NALCN: variants seen among roughly 807,000 people sequenced by gnomAD.
NALCN encodes sodium leak channel NALCN.
A neutral mutation model predicts 225.3 loss-of-function variants in NALCN; 111 were observed. That is an observed-to-expected ratio of 0.49 (90% CI 0.42 to 0.58). The LOEUF (loss-of-function observed/expected upper bound fraction) is 0.58, where lower values mean the gene tolerates loss of function less well. NALCN is among the 20% of genes least tolerant of loss of function. NALCN has a pLI of 0.00. For synonymous variants in NALCN, 764 were observed against 769.0 expected, an observed-to-expected ratio of 0.99 and a Z score of 0.11; for missense variants, 1,378 against 2,202.4, an observed-to-expected ratio of 0.63 and a Z score of 7.49.
At chr13:101,245,980 G>A (rs543035132) in intron 11 of NALCN, among the ~76,000 whole-genome samples, 17 of 152,244 alleles carry the variant, frequency 1.1e-4, no homozygotes, top group East Asian at 1.9e-4. Flanking sequence ...AAACCTCTAG[G>A]GGGTATTTGG....
chr13:101,121,220 G>A (rs1030432659), intron 18 of NALCN, among the ~76,000 whole-genome samples: 15 of 151,928 alleles, frequency 9.9e-5, no homozygotes, highest in African/African-American at 2.2e-4. Flanking sequence ...CCTGAAGATC[G>A]CCTCCTCCTA....
chr13:101,302,087 G>A (rs117981806), intron 7 of NALCN, among the ~76,000 whole-genome samples: 6 of 152,230 alleles, frequency 3.9e-5, no homozygotes, highest in East Asian at 1.9e-4. Context: ...CTAGAAGTTC[G>A]CATAATGTTA....
intron 7 of NALCN, among the ~76,000 whole-genome samples, chr13:101,304,758 C>CTTTTTT (rs769247590): frequency 4.1e-5 from 5 of 122,808 alleles, no homozygotes; most frequent in African/African-American, 9.5e-5. Context: ...TTTTTCTTTT[C>CTTTTTT]TTTTTTTTTT....
chr13:101,247,827 C>T (rs1320094161), intron 11 of NALCN, among the ~76,000 whole-genome samples: 1 of 152,072 alleles, frequency 6.6e-6, no homozygotes, highest in African/African-American at 2.4e-5. Context: ...TGATAGGCCC[C>T]AGTGTGTGTT....
chr13:101,062,165 AT>A, intron 40 of NALCN, 47 bp from the exon 41 acceptor site: 2 of 1,603,164 alleles, frequency 1.2e-6, no homozygotes, highest in Non-Finnish European at 1.7e-6. Context: ...TTCACCTGAG[AT>A]TTACACCCTT....
intron 10 of NALCN, among the ~76,000 whole-genome samples, chr13:101,259,730 G>GTC (rs1459768786): frequency 6.6e-5 from 2 of 30,384 alleles, no homozygotes; most frequent in African/African-American, 9.3e-5. Context: ...TACATAGTAA[G>GTC]TGTATATATA....
chr13:101,396,857 A>G (rs2047307798), intron 2 of NALCN, among the ~76,000 whole-genome samples: 1 of 151,722 alleles, frequency 6.6e-6, no homozygotes, highest in African/African-American at 2.4e-5. Context: ...CTTTTATACT[A>G]CCTTCTTCAT....
intron 6 of NALCN, among the ~76,000 whole-genome samples, chr13:101,347,752 G>C (rs73566951): frequency 0.048 from 7,336 of 152,224 alleles, 221 homozygotes; most frequent in Admixed American, 0.082. Flanking sequence ...CTGTAAGGTA[G>C]AGAGAGTAAT....
At chr13:101,392,773 G>C (rs1346937274) in intron 3 of NALCN, among the ~76,000 whole-genome samples, 1 of 152,076 alleles carries the variant, frequency 6.6e-6, no homozygotes, top group African/African-American at 2.4e-5. Flanking sequence ...AAAAGAATTA[G>C]CAGGAAAACT....
At chr13:101,389,805 G>A (rs538141504) in intron 3 of NALCN, among the ~76,000 whole-genome samples, 3 of 152,350 alleles carry the variant, frequency 2.0e-5, no homozygotes, top group East Asian at 1.9e-4. Flanking sequence ...ACATAGGCCG[G>A]GCATGGTGGC....
intron 6 of NALCN, among the ~76,000 whole-genome samples, chr13:101,358,517 A>G (rs1446640353): frequency 6.6e-6 from 1 of 152,234 alleles, no homozygotes; most frequent in African/African-American, 2.4e-5. Context: ...ACCAGTCAGA[A>G]CGGCGATTAT....
intron 14 of NALCN, among the ~76,000 whole-genome samples, chr13:101,179,425 G>T (rs1338401946): frequency 6.6e-6 from 1 of 152,048 alleles, no homozygotes; most frequent in Non-Finnish European, 1.5e-5. Context: ...AAATTTCTTG[G>T]TTTTTCTACA....
intron 7 of NALCN, among the ~76,000 whole-genome samples, chr13:101,301,653 A>G: frequency 6.6e-6 from 1 of 150,710 alleles, no homozygotes; most frequent in East Asian, 2.0e-4. Context: ...CCTGGGAGGC[A>G]GAGGGTGCAG....
At chr13:101,372,510 C>G (rs932095674) in intron 6 of NALCN, among the ~76,000 whole-genome samples, 4 of 151,972 alleles carry the variant, frequency 2.6e-5, no homozygotes, top group Non-Finnish European at 5.9e-5. Flanking sequence ...ATTGTCTGAC[C>G]ACAACAGAAT....
At chr13:101,100,326 A>G (rs899486012) in intron 27 of NALCN, among the ~76,000 whole-genome samples, 5 of 152,206 alleles carry the variant, frequency 3.3e-5, no homozygotes, top group Non-Finnish European at 1.5e-5. Context: ...ACAGCTGTAA[A>G]CAGCTGGAAT....
intron 15 of NALCN, among the ~76,000 whole-genome samples, chr13:101,147,840 T>A (rs759393093): frequency 1.4e-4 from 21 of 152,104 alleles, no homozygotes; most frequent in Non-Finnish European, 2.5e-4. Flanking sequence ...ACCCTCTGCC[T>A]CAGAACCTCT....
At chr13:101,224,738 A>G (rs187018198) in intron 13 of NALCN, among the ~76,000 whole-genome samples, 31 of 152,222 alleles carry the variant, frequency 2.0e-4, no homozygotes, top group African/African-American at 6.7e-4. Flanking sequence ...GGGCCAACAA[A>G]ATATTTCAAA....
intron 15 of NALCN, among the ~76,000 whole-genome samples, chr13:101,167,330 T>A (rs1435268799): frequency 1.3e-5 from 2 of 152,242 alleles, no homozygotes; most frequent in Non-Finnish European, 2.9e-5. Flanking sequence ...ATATTAAGCC[T>A]TCCAGTTCTT....
In NALCN at chr13:101,089,854, C is replaced by A; in HGVS notation, c.3382G>T (p.Val1128Leu). ...TCGATGTGCTCGCTTACCGGCCCCACACGATGAATAATAACATCTCTCACT... is the reference window on the plus strand; with the variant it reads ...TCGATGTGCTCGCTTACCGGCCCCAAACGATGAATAATAACATCTCTCACT... ...VEVRDVIIHRVGPIHGIYIHV... is the reference protein window; with the variant it reads ...VEVRDVIIHRLGPIHGIYIHV... Residue 1128 changes from valine (V) to leucine (L), a missense_variant, in exon 29 of 44, where the codon GTG becomes TTG. Physicochemically the swap from Val to Leu is conservative, Grantham distance 32. Coordinates refer to ENST00000251127, the MANE Select transcript of NALCN (RefSeq NM_052867.4). This position sits in a 1 kb window ranked among gnomAD's most constrained non-coding sequence, Gnocchi z 4.7. 1 of 1,614,098 alleles carries A rather than the reference C, an allele frequency of 6.2e-7. No individual in the cohort carries two copies. The highest frequency in any genetic ancestry group is 8.5e-7 in the Non-Finnish European group (1 of 1,179,936).
Sources: gnomAD v4.1 joint callset for allele counts (sites outside exome capture counted in the v4.1 genomes callset) on GRCh38, gnomAD v4.1.1 for gene constraint, Gnocchi (gnomAD v3.1) non-coding constraint, MANE v1.5 for transcripts, NCBI Gene and HGNC (gene_info 2026-07-23, HGNC 2026-07-21) for gene names.